The following WWTR1 variants were observed in gnomAD, a reference collection of about 807,000 sequenced individuals.
The protein encoded by WWTR1 is WW domain containing transcription regulator 1.
WWTR1 carries 13 observed loss-of-function variants against 40.1 expected under a neutral mutation model. The ratio of observed to expected loss-of-function variants is 0.32; its 90% CI spans 0.21 to 0.52. The LOEUF is 0.52. Ranked by LOEUF, WWTR1 falls within the 20% of genes least tolerant of loss-of-function variation. WWTR1 has a pLI of 0.97. For synonymous variants in WWTR1, 230 were observed against 210.1 expected (o/e 1.09, Z -0.82); for missense variants, 436 against 523.1 (o/e 0.83, Z 1.63).
chr3:149,645,070 C>CTTTTA (rs1300184561), intron 2 of WWTR1, among the ~76,000 whole-genome samples: 3 of 148,184 alleles, frequency 2.0e-5, no homozygotes, highest in East Asian at 4.2e-4. Flanking sequence ...CCAGGCTGCT[C>CTTTTA]TTTTATTTTA....
intron 2 of WWTR1, among the ~76,000 whole-genome samples, chr3:149,581,490 C>G (rs982064747): frequency 2.7e-4 from 41 of 152,116 alleles, no homozygotes; most frequent in African/African-American, 9.7e-4. Flanking sequence ...TTAAGCAGCT[C>G]ATCAAACATA....
intron 2 of WWTR1, among the ~76,000 whole-genome samples, chr3:149,595,869 T>C (rs748205012): frequency 6.6e-6 from 1 of 151,962 alleles, no homozygotes; most frequent in Non-Finnish European, 1.5e-5. Context: ...CCATCTCTAC[T>C]AAAAATACAA....
intron 2 of WWTR1, among the ~76,000 whole-genome samples, chr3:149,645,628 T>C (rs1451590062): frequency 6.6e-6 from 1 of 152,240 alleles, no homozygotes; most frequent in East Asian, 1.9e-4. Flanking sequence ...ACCATTTGCT[T>C]GGGTTTTCTC....
At chr3:149,665,629 AT>A (rs1357096163) in intron 2 of WWTR1, among the ~76,000 whole-genome samples, 1 of 152,218 alleles carries the variant, frequency 6.6e-6, no homozygotes, top group Non-Finnish European at 1.5e-5. Flanking sequence ...TATGAAGACA[AT>A]GTGACAACCT....
At chr3:149,541,478 T>A (rs1200138469) in intron 4 of WWTR1, among the ~76,000 whole-genome samples, 1 of 152,058 alleles carries the variant, frequency 6.6e-6, no homozygotes, top group Admixed American at 6.6e-5. Context: ...TCTGTTGGAG[T>A]CCATATACAA....
intron 2 of WWTR1, among the ~76,000 whole-genome samples, chr3:149,607,913 G>C (rs1739559937): frequency 6.6e-6 from 1 of 152,190 alleles, no homozygotes; most frequent in African/African-American, 2.4e-5. Flanking sequence ...CCTCTGAAAA[G>C]TACGAATAAA....
intron 3 of WWTR1, among the ~76,000 whole-genome samples, chr3:149,552,983 A>C (rs1736675433): frequency 6.6e-6 from 1 of 152,218 alleles, no homozygotes; most frequent in African/African-American, 2.4e-5. Flanking sequence ...ACTTTAAACA[A>C]ATGTTTAAAA....
chr3:149,536,042 T>C (rs898632268), intron 4 of WWTR1, among the ~76,000 whole-genome samples: 2 of 152,010 alleles, frequency 1.3e-5, no homozygotes, highest in African/African-American at 4.8e-5. Flanking sequence ...AAAAAAAGAC[T>C]TGAATTGATA....
chr3:149,584,773 A>G (rs1408369471), intron 2 of WWTR1, among the ~76,000 whole-genome samples: 1 of 152,218 alleles, frequency 6.6e-6, no homozygotes, highest in South Asian at 2.1e-4. Context: ...TCTGCCATTA[A>G]CTGACTAAGA....
intron 2 of WWTR1, among the ~76,000 whole-genome samples, chr3:149,583,512 A>G (rs891846167): frequency 6.6e-6 from 1 of 152,140 alleles, no homozygotes; most frequent in Non-Finnish European, 1.5e-5. Context: ...CCCCAAAATC[A>G]GTTTTGGCAA....
At chr3:149,578,507 C>T (rs544005194) in intron 2 of WWTR1, among the ~76,000 whole-genome samples, 1 of 152,114 alleles carries the variant, frequency 6.6e-6, no homozygotes, top group African/African-American at 2.4e-5. Context: ...AACCATAGAT[C>T]GTATACCTAT....
chr3:149,567,442 T>C (rs1282393100), intron 3 of WWTR1, among the ~76,000 whole-genome samples: 2 of 152,202 alleles, frequency 1.3e-5, no homozygotes, highest in African/African-American at 2.4e-5. Flanking sequence ...CTTCTCACAA[T>C]TGCTGTCCGA....
chr3:149,591,346 G>C (rs538966830), intron 2 of WWTR1, among the ~76,000 whole-genome samples: 1 of 152,292 alleles, frequency 6.6e-6, no homozygotes, highest in East Asian at 1.9e-4. Flanking sequence ...TCAGAAGCCA[G>C]TCTCTGATAG....
chr3:149,708,302 T>C (rs1406824317), intron 5 of WWTR1, among the ~76,000 whole-genome samples: 1 of 152,190 alleles, frequency 6.6e-6, no homozygotes, highest in Non-Finnish European at 1.5e-5. Context: ...TGCTTGCTGG[T>C]TTTTTAATTG....
chr3:149,598,945 A>G (rs1056304398), intron 2 of WWTR1, among the ~76,000 whole-genome samples: 2 of 152,150 alleles, frequency 1.3e-5, no homozygotes, highest in African/African-American at 4.8e-5. Context: ...GTAAGTCATT[A>G]TATATGGATT....
chr3:149,623,542 G>A (rs1397963410), intron 2 of WWTR1, among the ~76,000 whole-genome samples: 1 of 152,174 alleles, frequency 6.6e-6, no homozygotes, highest in African/African-American at 2.4e-5. Context: ...CATCATTTAA[G>A]TTTGCAATAT....
chr3:149,552,707 G>A (rs948394288), intron 3 of WWTR1, among the ~76,000 whole-genome samples: 3 of 152,190 alleles, frequency 2.0e-5, no homozygotes, highest in African/African-American at 7.2e-5. Context: ...ATTTACCCGA[G>A]TTTGTGCTAT....
chr3:149,657,461 T>A, intron 1 of WWTR1, 152 bp from the exon 2 acceptor site: 1 of 911,538 alleles, frequency 1.1e-6, no homozygotes, highest in Non-Finnish European at 1.6e-6. Context: ...TCCCAGACAC[T>A]CAGCGGTAAG....
chr3:149,554,226 G>A lies in WWTR1; in HGVS notation c.569-11689C>T, dbSNP rs75169342. 7.2e-3 allele frequency among the ~76,000 whole-genome samples: 1,102 copies of A among 152,224 alleles called. 13 individuals are homozygous for A. Among genetic ancestry groups the A allele is most frequent in the African/African-American group, 0.025 (1,035 of 41,528 alleles). ...GCCGGCTCAGTTGATAAGGCACAGA[G>A]CTCTGGAATATATGTTGATTCAGCC... On this transcript the variant is annotated intron_variant, in intron 3 of 6. Coordinates refer to ENST00000360632, the MANE Select transcript of WWTR1 (RefSeq NM_015472.6).
Sources: allele counts gnomAD v4.1 joint callset (sites outside exome capture counted in the v4.1 genomes callset), GRCh38; gene constraint gnomAD v4.1.1; transcripts MANE v1.5; gene names NCBI Gene and HGNC (gene_info 2026-07-23, HGNC 2026-07-21).